Variants in RIF1 observed in about 807,000 individuals in gnomAD.
RIF1 encodes the protein telomere-associated protein RIF1.
RIF1 carries 45 observed loss-of-function variants against 247.1 expected under a neutral mutation model. The observed-to-expected ratio is 0.18, with a 90% CI of 0.14 to 0.23. The LOEUF (loss-of-function observed/expected upper bound fraction) is 0.23, where lower values mean the gene tolerates loss of function less well. Ranked by LOEUF, RIF1 falls within the 10% of genes least tolerant of loss-of-function variation. The probability of loss-of-function intolerance (pLI) is 1.00; values close to 1 mark genes in which losing one functional copy is unlikely to be tolerated. For missense variants in RIF1, 2,967 were observed against 2,862.5 expected (o/e 1.04, Z -0.83); for synonymous variants, 1,087 against 978.8 (o/e 1.11, Z -2.06).
At chr2:151,469,228 T>A (rs1473439615) in intron 33 of RIF1, among the ~76,000 whole-genome samples, 1 of 152,202 alleles carries the variant, frequency 6.6e-6, no homozygotes, top group African/African-American at 2.4e-5. Context: ...TGCATGTAGA[T>A]CGTTCACTAT....
Position 151,497,686 on chromosome 2 carries a change from G to C in RIF1, c.*514-1659G>C, listed in dbSNP as rs935211033. 2 of 1,583,332 alleles carry C rather than the reference G, an allele frequency of 1.3e-6. No homozygotes were observed. Among genetic ancestry groups the C allele is most frequent in the Non-Finnish European group, 1.7e-6 (2 of 1,162,462 alleles). ...CCATCTCGGGAGTGACAGGTAAAGG[G>C]GTTCCCTTGCCCATGTTTTCTTTGT... On this transcript the variant is annotated intron_variant and NMD_transcript_variant, in intron 10 of 13. Coordinates refer to the RIF1 transcript ENST00000454583.
At chr2:151,505,809 T>C (rs2068411943) in intron 12 of RIF1, 1 of 561,158 alleles carries the variant, frequency 1.8e-6, no homozygotes, top group Non-Finnish European at 3.2e-6. Context: ...GGGGCCCCTA[T>C]TTAGACTGCA....
At chr2:151,525,397 G>T in the RIF1 span, 1 of 681,054 alleles carries the variant, frequency 1.5e-6, no homozygotes, top group Non-Finnish European at 2.5e-6. Context: ...CTGGGACTTA[G>T]ATAAGACCCA....
At chr2:151,512,281 AC>A (rs924927335), downstream of RIF1, among the ~76,000 whole-genome samples, 14 of 151,156 alleles carry the variant, frequency 9.3e-5, no homozygotes, top group East Asian at 9.7e-4. Flanking sequence ...TGATCCACCC[AC>A]CTCGGCCTCC....
intron 12 of RIF1, chr2:151,505,505 C>G: frequency 1.9e-6 from 3 of 1,613,840 alleles, no homozygotes; most frequent in East Asian, 2.2e-5. Context: ...GCGTCTCCTT[C>G]ACACGTTTCA....
rs762145294 is a variant in RIF1, at chr2:151,463,850, C to T, written c.4330C>T (p.Arg1444Cys). 43 of 1,612,116 alleles carry T rather than the reference C, an allele frequency of 2.7e-5. No homozygotes were observed. Among genetic ancestry groups the T allele is most frequent in the Admixed American group, 3.4e-5 (2 of 59,616 alleles). The change falls in exon 30 of 36, where the codon CGT (arginine) becomes TGT (cysteine). Residue 1444 changes from arginine to cysteine, a missense_variant. This residue lies in a region of RIF1 where 2,028 missense variants were observed against 1,825.6 expected (regional missense o/e 1.11). Transcript: ENST00000444746. Reference sequence around the variant, plus strand: ...AAATAGTCATCAAAAAAAGGAACGACGTAAGGAAGAAGAAAAACCTCTTCA... The same window carrying T: ...AAATAGTCATCAAAAAAAGGAACGATGTAAGGAAGAAGAAAAACCTCTTCA... ...KENSHQKKER[R>C]KEEEKPLQKS...
intron 21 of RIF1, among the ~76,000 whole-genome samples, chr2:151,452,397 A>G (rs1348943293): frequency 6.6e-6 from 1 of 152,332 alleles, no homozygotes; most frequent in East Asian, 1.9e-4. Flanking sequence ...CATTAATGAA[A>G]AATGTTAGTT....
intron 33 of RIF1, 38 bp from the exon 34 acceptor site, chr2:151,469,673 A>C (rs1697501288): frequency 7.1e-7 from 1 of 1,414,162 alleles, no homozygotes; most frequent in Non-Finnish European, 9.4e-7. Context: ...TATAAATAAA[A>C]CTATATAATT....
intron 30 of RIF1, among the ~76,000 whole-genome samples, chr2:151,466,435 A>G (rs1191661535): frequency 6.6e-6 from 1 of 152,214 alleles, no homozygotes; most frequent in Non-Finnish European, 1.5e-5. Flanking sequence ...CATATGAGGA[A>G]ACAGATTTAG....
intron 8 of RIF1, among the ~76,000 whole-genome samples, chr2:151,425,660 C>CTTTTTTTTT (rs34032157): frequency 4.4e-4 from 37 of 83,692 alleles, no homozygotes; most frequent in Non-Finnish European, 5.6e-4. Flanking sequence ...TTGTGGTACC[C>CTTTTTTTTT]TTTTTTTTTT....
At chr2:151,526,165 A>T in the RIF1 span, 1 of 1,613,882 alleles carries the variant, frequency 6.2e-7, no homozygotes, top group Non-Finnish European at 8.5e-7. Flanking sequence ...TACCTCAGAC[A>T]CCAGGTTGCT....
chr2:151,439,972 C>CAAAAAAAA (rs1165450117), intron 14 of RIF1, 55 bp from the exon 15 acceptor site: 4,343 of 275,708 alleles, frequency 0.016, 153 homozygotes, highest in Non-Finnish European at 0.02. Context: ...GACCCTGTCT[C>CAAAAAAAA]AAAAAAAAAA....
At chr2:151,499,254 A>C in intron 10 of RIF1, 1 of 1,063,598 alleles carries the variant, frequency 9.4e-7, no homozygotes, top group Non-Finnish European at 1.4e-6. Context: ...AATCTTTTTA[A>C]ACATTTTTTT....
intron 10 of RIF1, among the ~76,000 whole-genome samples, chr2:151,435,016 A>AACAATGTAATTTGCATCTGTC (rs780179357): frequency 3.9e-5 from 6 of 152,148 alleles, no homozygotes; most frequent in Non-Finnish European, 7.3e-5. Flanking sequence ...GGGCATTGTC[A>AACAATGTAATTTGCATCTGTC]ACAATGTAAT....
At chr2:151,529,493 G>A in the RIF1 span, among the ~76,000 whole-genome samples, 1 of 151,850 alleles carries the variant, frequency 6.6e-6, no homozygotes, top group Non-Finnish European at 1.5e-5. Context: ...TCCTATCTCA[G>A]ATCAGGGCAC....
chr2:151,416,720 C>T, intron 5 of RIF1, 32 bp downstream of exon 5: 1 of 1,606,388 alleles, frequency 6.2e-7, no homozygotes, highest in Middle Eastern at 1.7e-4. Context: ...GCCATCTTAA[C>T]TATATGCCAA....
chr2:151,492,899 C>A, intron 9 of RIF1: 1 of 180,448 alleles, frequency 5.5e-6, no homozygotes, highest in Non-Finnish European at 1.2e-5. Flanking sequence ...CTTCATAAAC[C>A]AATATGCTAA....
At chr2:151,457,998 A>C (rs753792864) in intron 24 of RIF1, 35 bp downstream of exon 24, 1 of 1,440,054 alleles carries the variant, frequency 6.9e-7, no homozygotes, top group Non-Finnish European at 9.8e-7. Flanking sequence ...ACAACTAACT[A>C]TTCTGTTGTG....
At position 151,501,392 on chromosome 2, in the gene RIF1, G is replaced by A. The variant is rs763365852; in HGVS notation, c.*710-1642G>A. The A allele has an allele frequency of 7.3e-5, 112 of 1,543,148 alleles. No homozygotes were observed. The highest frequency in any genetic ancestry group is 6.2e-4 in the South Asian group (52 of 83,376). On this transcript the variant is annotated intron_variant and NMD_transcript_variant, in intron 11 of 13. Transcript: ENST00000454583. ...GTTAAAGAGCTTTCTCCCAAATACC[G>A]AGCTAAAGTTTTCTTGATTGAGTTT... is the stretch of plus-strand genomic sequence containing the variant.
Sources: gnomAD v4.1 joint callset for allele counts (sites outside exome capture counted in the v4.1 genomes callset) on GRCh38, gnomAD v4.1.1 for gene constraint, gnomAD v4.1.1 regional missense constraint, MANE v1.5 for transcripts, NCBI Gene and HGNC (gene_info 2026-07-23, HGNC 2026-07-21) for gene names.